PEAK1: variants seen among roughly 807,000 people sequenced by gnomAD.
PEAK1 encodes pseudopodium enriched atypical kinase 1, also known as inactive tyrosine-protein kinase PEAK1.
PEAK1 carries 54 observed loss-of-function variants against 124.7 expected under a neutral mutation model. The ratio of observed to expected loss-of-function variants is 0.43; its 90% confidence interval spans 0.35 to 0.54. PEAK1 has a LOEUF of 0.54. PEAK1 is among the 20% of genes least tolerant of loss of function. The pLI, the probability that PEAK1 is intolerant of heterozygous loss-of-function variation, is 0.01. For synonymous variants in PEAK1, 719 were observed against 760.0 expected (o/e 0.95, Z 0.89); for missense variants, 2,046 against 2,134.5 (o/e 0.96, Z 0.82).
chr15:77,321,008 C>T (rs1227694525), intron 2 of PEAK1, among the ~76,000 whole-genome samples: 1 of 152,146 alleles, frequency 6.6e-6, no homozygotes, highest in Middle Eastern at 3.2e-3. Flanking sequence ...TTTATGGCTG[C>T]ATAATACTCC....
chr15:77,381,488 A>G lies in PEAK1; in HGVS notation c.-665-16263T>C, dbSNP rs2069478765. 6.2e-6 allele frequency: 6 copies of G among 964,464 alleles called. 1 individual carries two copies. 59.7% of individuals were successfully genotyped at this position (964,464 alleles called of 1,614,324 possible). A position where few individuals can be genotyped will look rare whatever the true frequency, so the allele number is the denominator to read the frequency against. The stretch of plus-strand genomic sequence containing the variant: ...ATGGCTCTAAGAACAGTAAAGAAGA[A>G]CTGAATCTGACATTACCAACAAACT... On this transcript the variant is annotated intron_variant, in intron 1 of 9. Coordinates refer to ENST00000682557, the MANE Select transcript of PEAK1 (RefSeq NM_001385026.1).
chr15:77,230,190 G>A (rs1340327016), intron 6 of PEAK1, among the ~76,000 whole-genome samples: 2 of 139,964 alleles, frequency 1.4e-5, no homozygotes, highest in East Asian at 2.0e-4. Flanking sequence ...GCAAGTGACA[G>A]CATTTGAGAT....
At chr15:77,344,394 G>A (rs1386841369) in intron 2 of PEAK1, among the ~76,000 whole-genome samples, 3 of 152,082 alleles carry the variant, frequency 2.0e-5, no homozygotes, top group East Asian at 1.9e-4. Flanking sequence ...ACGCCTGGCC[G>A]GCTGTCTGTT....
intron 5 of PEAK1, among the ~76,000 whole-genome samples, chr15:77,262,159 C>T (rs767254930): frequency 6.6e-6 from 1 of 152,182 alleles, no homozygotes; most frequent in Non-Finnish European, 1.5e-5. Flanking sequence ...AAAAACATGT[C>T]AAACTGTAAA....
chr15:77,254,944 TTGAC>T (rs1381096031), intron 5 of PEAK1, among the ~76,000 whole-genome samples: 6 of 152,086 alleles, frequency 3.9e-5, no homozygotes, highest in East Asian at 1.9e-4. Context: ...AAAAATAAAA[TTGAC>T]TGTTACAAAG....
At chr15:77,345,724 T>C (rs1031092901) in intron 2 of PEAK1, 1 of 206,346 alleles carries the variant, frequency 4.8e-6, no homozygotes, top group African/African-American at 2.4e-5. Context: ...TATTTCAAAA[T>C]GGCTAAAATA....
rs569315641 is a variant in PEAK1, at chr15:77,181,556, T to G, written c.371A>C (p.Glu124Ala). The change falls in exon 7 of 10, where the codon GAA becomes GCA. Residue 124 changes from glutamate (E) to alanine (A), a missense_variant. Coordinates refer to ENST00000682557, the MANE Select transcript of PEAK1 (RefSeq NM_001385026.1). Reference protein sequence around the residue: ...KPLNNNNEDDEGISHVPKPYG... With the variant: ...KPLNNNNEDDAGISHVPKPYG... ...AGGCTTAGGAACATGGCTAATTCCT[T>G]CATCATCTTCATTATTATTGTTAAG... 4 of 1,614,120 alleles carry G rather than the reference T, an allele frequency of 2.5e-6. No individual in the cohort carries two copies. Among genetic ancestry groups the G allele is most frequent in the Non-Finnish European group, 3.4e-6 (4 of 1,180,010 alleles).
chr15:77,318,238 G>A (rs972398007), intron 2 of PEAK1, among the ~76,000 whole-genome samples: 2 of 152,110 alleles, frequency 1.3e-5, no homozygotes, highest in Admixed American at 1.3e-4. Flanking sequence ...TTATACCACT[G>A]TCGATTTTAC....
At chr15:77,170,847 T>C (rs2056453642) in intron 7 of PEAK1, among the ~76,000 whole-genome samples, 1 of 152,170 alleles carries the variant, frequency 6.6e-6, no homozygotes, top group South Asian at 2.1e-4. Flanking sequence ...TTCTTCCCAC[T>C]GTGCAGTATT....
chr15:77,336,381 C>A, intron 2 of PEAK1: 1 of 985,428 alleles, frequency 1.0e-6, no homozygotes. Flanking sequence ...TTACTAGGAA[C>A]CAAGGCAGCT....
At chr15:77,137,614 G>C (rs554234762) in intron 8 of PEAK1, among the ~76,000 whole-genome samples, 3 of 152,324 alleles carry the variant, frequency 2.0e-5, no homozygotes, top group African/African-American at 7.2e-5. Context: ...ATTTGGAATG[G>C]CTGTATTTAC....
intron 6 of PEAK1, among the ~76,000 whole-genome samples, chr15:77,242,287 G>A (rs1444238863): frequency 6.6e-6 from 1 of 151,962 alleles, no homozygotes; most frequent in East Asian, 1.9e-4. Context: ...GATAATACAT[G>A]TTGTTAAAAT....
intron 1 of PEAK1, among the ~76,000 whole-genome samples, chr15:77,410,289 C>A (rs1374417540): frequency 6.6e-6 from 1 of 152,042 alleles, no homozygotes; most frequent in East Asian, 1.9e-4. Flanking sequence ...CCACGCCCAG[C>A]TAATTTTGTA....
At chr15:77,308,230 C>T (rs967070676) in intron 2 of PEAK1, among the ~76,000 whole-genome samples, 2 of 152,060 alleles carry the variant, frequency 1.3e-5, no homozygotes, top group Admixed American at 1.3e-4. Context: ...ATCTATGTGA[C>T]TTAATCTCTC....
intron 6 of PEAK1, among the ~76,000 whole-genome samples, chr15:77,191,269 T>C (rs2057818439): frequency 1.3e-5 from 2 of 152,204 alleles, no homozygotes; most frequent in South Asian, 2.1e-4. Context: ...AGATAAAATA[T>C]ATAAAATGCC....
intron 4 of PEAK1, among the ~76,000 whole-genome samples, chr15:77,284,387 G>C (rs937251372): frequency 4.6e-5 from 7 of 152,140 alleles, no homozygotes; most frequent in African/African-American, 1.7e-4. Flanking sequence ...GGGACTTATG[G>C]AACAATGAAG....
At chr15:77,170,489 T>G (rs984043256) in intron 7 of PEAK1, among the ~76,000 whole-genome samples, 1 of 152,098 alleles carries the variant, frequency 6.6e-6, no homozygotes, top group South Asian at 2.1e-4. Flanking sequence ...ATGCCACATA[T>G]GTAGGGCCTT....
chr15:77,332,267 AAACAG>A, intron 2 of PEAK1: 1 of 985,122 alleles, frequency 1.0e-6, no homozygotes. Flanking sequence ...CCCTGAAACT[AAACAG>A]GAATACCTGG....
chr15:77,357,288 TA>T (rs1315321452), intron 2 of PEAK1, among the ~76,000 whole-genome samples: 1 of 152,206 alleles, frequency 6.6e-6, no homozygotes, highest in Non-Finnish European at 1.5e-5. Context: ...TTTCTTTTTT[TA>T]AATGAGACAG....
Sources: allele counts gnomAD v4.1 joint callset (sites outside exome capture counted in the v4.1 genomes callset), GRCh38; gene constraint gnomAD v4.1.1; transcripts MANE v1.5; gene names NCBI Gene and HGNC (gene_info 2026-07-23, HGNC 2026-07-21).